Variants in HCRTR2 observed in about 807,000 individuals in gnomAD.
The protein encoded by HCRTR2 is hypocretin receptor 2.
In HCRTR2, 22 loss-of-function variants were observed where a neutral mutation model predicts 49.0. That is an observed-to-expected ratio of 0.45 (90% CI 0.32 to 0.64). HCRTR2 has a LOEUF of 0.64. Ranked by LOEUF, HCRTR2 falls within the 30% of genes least tolerant of loss-of-function variation. The pLI, the probability that HCRTR2 is intolerant of heterozygous loss-of-function variation, is 0.04. For synonymous variants in HCRTR2, 236 were observed against 205.3 expected, an observed-to-expected ratio of 1.15 and a Z score of -1.28; for missense variants, 491 against 559.4, an observed-to-expected ratio of 0.88 and a Z score of 1.23.
intron 1 of HCRTR2, among the ~76,000 whole-genome samples, chr6:55,114,799 G>C (rs902232138): frequency 6.6e-6 from 1 of 151,682 alleles, no homozygotes; most frequent in African/African-American, 2.4e-5. Context: ...ATTTGAGCTG[G>C]TTATCTAATA....
rs531044612 is a variant in HCRTR2, at chr6:55,193,127, T to A, written c.223+18317T>A. On this transcript the variant is annotated intron_variant, in intron 1 of 6. Transcript: ENST00000370862. ...CATTCATTCCTTCATCAAACAAATA[T>A]TGAAAGTCTATTAATTGGCAAGCAC... Among the ~76,000 whole-genome samples, 14 of 152,256 alleles carry A rather than the reference T, an allele frequency of 9.2e-5. No individual in the cohort carries two copies. The South Asian group carries it at 2.9e-3, about 32-fold the overall frequency.
At chr6:55,148,723 A>T (rs890208493) in intron 1 of HCRTR2, among the ~76,000 whole-genome samples, 6 of 152,150 alleles carry the variant, frequency 3.9e-5, no homozygotes, top group African/African-American at 9.7e-5. Context: ...TAAGGCTGAG[A>T]TTGTGAACAT....
At chr6:55,139,077 A>C (rs1764472450) in intron 1 of HCRTR2, among the ~76,000 whole-genome samples, 1 of 152,180 alleles carries the variant, frequency 6.6e-6, no homozygotes, top group Admixed American at 6.5e-5. Context: ...TTTCAGGCAC[A>C]AACATAGAAA....
chr6:55,225,534 G>T (rs1309116598), intron 1 of HCRTR2, among the ~76,000 whole-genome samples: 1 of 152,134 alleles, frequency 6.6e-6, no homozygotes, highest in Non-Finnish European at 1.5e-5. Context: ...CTTCTTGAGA[G>T]ATTCTAATAT....
intron 1 of HCRTR2, among the ~76,000 whole-genome samples, chr6:55,163,551 G>A (rs1484424347): frequency 6.6e-6 from 1 of 152,152 alleles, no homozygotes; most frequent in Non-Finnish European, 1.5e-5. Flanking sequence ...AATAAATGTT[G>A]TTGCGAAAAC....
In HCRTR2 at chr6:55,220,017, G is replaced by A. The variant is rs183379798; in HGVS notation, c.224-28622G>A. Among the ~76,000 whole-genome samples the A allele has an allele frequency of 8.5e-5, 13 of 152,074 alleles. No individual in the cohort carries two copies. In the East Asian group the frequency reaches 2.3e-3, roughly 27 times the overall value. ...CAAGAAGAAATACAGAATCTGAACAGATCTGTAACTAGTAAGGAGATTAAA... is the reference window on the plus strand; with the variant it reads ...CAAGAAGAAATACAGAATCTGAACAAATCTGTAACTAGTAAGGAGATTAAA... On this transcript the variant is annotated intron_variant, in intron 1 of 6. Transcript: ENST00000370862.
intron 3 of HCRTR2, among the ~76,000 whole-genome samples, chr6:55,259,939 T>A (rs79056455): frequency 0.17 from 26,307 of 152,146 alleles, 2,774 homozygotes; most frequent in Non-Finnish European, 0.24. Flanking sequence ...CTATCATGTT[T>A]CCCTAGTTAT....
chr6:55,139,667 C>A (rs554912074), intron 1 of HCRTR2, among the ~76,000 whole-genome samples: 5 of 152,212 alleles, frequency 3.3e-5, no homozygotes, highest in Admixed American at 1.3e-4. Context: ...ACCGGGTAAA[C>A]CATAAACTTC....
intron 1 of HCRTR2, among the ~76,000 whole-genome samples, chr6:55,115,780 A>G (rs1478415967): frequency 1.3e-5 from 2 of 151,682 alleles, no homozygotes; most frequent in Admixed American, 6.6e-5. Flanking sequence ...TAGCTGAACC[A>G]TGAGAAGATG....
intron 1 of HCRTR2, among the ~76,000 whole-genome samples, chr6:55,109,290 C>A (rs1020800721): frequency 6.6e-6 from 1 of 152,124 alleles, no homozygotes; most frequent in Admixed American, 6.5e-5. Context: ...AAAAACAATT[C>A]CTGTGCTATG....
intron 1 of HCRTR2, among the ~76,000 whole-genome samples, chr6:55,212,774 T>G (rs1274022815): frequency 2.6e-5 from 4 of 152,198 alleles, no homozygotes; most frequent in Non-Finnish European, 4.4e-5. Flanking sequence ...CTTTGTGGTT[T>G]AAGCTGTTCT....
At chr6:55,221,672 G>A (rs971392797) in intron 1 of HCRTR2, among the ~76,000 whole-genome samples, 26 of 152,036 alleles carry the variant, frequency 1.7e-4, no homozygotes, top group Admixed American at 5.2e-4. Context: ...AATTAGCCGG[G>A]CGTGGTGGTG....
At chr6:55,176,466 A>G (rs1016410628) in intron 1 of HCRTR2, among the ~76,000 whole-genome samples, 3 of 152,150 alleles carry the variant, frequency 2.0e-5, no homozygotes, top group Admixed American at 2.0e-4. Flanking sequence ...CTTAAGACAC[A>G]TGGCTACCAG....
upstream of HCRTR2, among the ~76,000 whole-genome samples, chr6:55,170,785 AG>A: frequency 8.1e-6 from 1 of 124,106 alleles, no homozygotes; most frequent in African/African-American, 3.1e-5. Context: ...TCCTGTGTCC[AG>A]GTGTTCTCAT....
chr6:55,228,161 A>C (rs1766047045), intron 1 of HCRTR2, among the ~76,000 whole-genome samples: 1 of 152,156 alleles, frequency 6.6e-6, no homozygotes, highest in South Asian at 2.1e-4. Flanking sequence ...CCAAAGCATC[A>C]TACGAATAAT....
At chr6:55,239,936 C>A (rs1766291242) in intron 1 of HCRTR2, among the ~76,000 whole-genome samples, 2 of 146,634 alleles carry the variant, frequency 1.4e-5, no homozygotes, top group African/African-American at 2.4e-5. Flanking sequence ...TACCACCATG[C>A]CCAGCTAATT....
chr6:55,269,554 CA>C (rs1176687035), intron 4 of HCRTR2, among the ~76,000 whole-genome samples: 15 of 152,050 alleles, frequency 9.9e-5, no homozygotes, highest in Non-Finnish European at 1.9e-4. Context: ...AAATCAATTT[CA>C]TTTTTATACA....
intron 2 of HCRTR2, among the ~76,000 whole-genome samples, chr6:55,249,134 C>T (rs548711020): frequency 1.1e-4 from 17 of 151,976 alleles, no homozygotes; most frequent in South Asian, 2.1e-4. Context: ...TTTGATTTTG[C>T]GCAAACTTTT....
At chr6:55,119,590 G>A (rs1246721854) in intron 1 of HCRTR2, among the ~76,000 whole-genome samples, 1 of 151,076 alleles carries the variant, frequency 6.6e-6, no homozygotes, top group African/African-American at 2.4e-5. Flanking sequence ...CTTTTGAGAA[G>A]TGTCTGCTCA....
Sources: gnomAD v4.1 joint callset for allele counts (sites outside exome capture counted in the v4.1 genomes callset) on GRCh38, gnomAD v4.1.1 for gene constraint, MANE v1.5 for transcripts, NCBI Gene and HGNC (gene_info 2026-07-23, HGNC 2026-07-21) for gene names.